PUS10: variants seen among roughly 807,000 people sequenced by gnomAD.
PUS10 encodes the protein pseudouridine synthase 10.
In PUS10, 59 loss-of-function variants were observed where a neutral mutation model predicts 75.0. That is an observed-to-expected ratio of 0.79 (90% CI 0.64 to 0.98). PUS10 has a LOEUF of 0.98. Among genes scored for constraint, PUS10 ranks in the 50% least tolerant of loss-of-function variants. The probability of loss-of-function intolerance (pLI) is 0.00; values close to 1 mark genes in which losing one functional copy is unlikely to be tolerated. For missense variants in PUS10, 650 were observed against 614.4 expected, an observed-to-expected ratio of 1.06 and a Z score of -0.61; for synonymous variants, 219 against 211.6, an observed-to-expected ratio of 1.03 and a Z score of -0.30.
chr2:60,945,629 T>G (rs1264937488), intron 16 of PUS10, among the ~76,000 whole-genome samples: 1 of 152,198 alleles, frequency 6.6e-6, no homozygotes, highest in Non-Finnish European at 1.5e-5. Context: ...TGATGGCTCT[T>G]CGGAAGGATT....
At chr2:60,944,837 T>TA (rs879189520) in intron 17 of PUS10, among the ~76,000 whole-genome samples, 172 bp downstream of exon 17, 31 of 148,262 alleles carry the variant, frequency 2.1e-4, no homozygotes, top group African/African-American at 4.7e-4. Flanking sequence ...GACCTCATAT[T>TA]AAAAAAAAAA....
At chr2:60,995,931 C>G (rs556392604) in intron 4 of PUS10, among the ~76,000 whole-genome samples, 57 of 152,338 alleles carry the variant, frequency 3.7e-4, no homozygotes, top group African/African-American at 1.3e-3. Flanking sequence ...TTCCTTGCTT[C>G]CTCCTCCATT....
At chr2:61,015,196 A>G (rs927646325) in intron 1 of PUS10, among the ~76,000 whole-genome samples, 2 of 152,194 alleles carry the variant, frequency 1.3e-5, no homozygotes, top group Non-Finnish European at 2.9e-5. Context: ...TGTGGAAAAC[A>G]GCCTCTAAAT....
intron 15 of PUS10, among the ~76,000 whole-genome samples, chr2:60,950,815 G>A (rs963603452): frequency 9.2e-5 from 14 of 152,058 alleles, no homozygotes; most frequent in Admixed American, 5.2e-4. Flanking sequence ...TTTTGTTGTT[G>A]ATTTTGCCAC....
intron 4 of PUS10, among the ~76,000 whole-genome samples, chr2:60,995,252 T>C (rs1316967526): frequency 1.3e-5 from 2 of 152,318 alleles, no homozygotes; most frequent in East Asian, 1.9e-4. Flanking sequence ...AAAGAGCACA[T>C]GCAACACACT....
Position 60,942,346 on chromosome 2 carries a change from G to A in PUS10, c.*49C>T, listed in dbSNP as rs1179549224. 2.6e-6 allele frequency: 4 copies of A among 1,512,818 alleles called. No homozygotes were observed. In the East Asian group the frequency reaches 9.0e-5, roughly 34 times the overall value. The allele number at this position is 1,512,818 out of a possible 1,614,324, so 93.7% of individuals were successfully genotyped here. ...ATTTTACGGCATGTGCTCCATGGAT[G>A]TCCACATCATGCCAGGAAAACCATA... On this transcript the variant is annotated 3_prime_UTR_variant, in exon 18 of 18. Transcript: ENST00000316752.
intron 1 of PUS10, among the ~76,000 whole-genome samples, chr2:61,013,319 G>A (rs1183952031): frequency 1.3e-5 from 2 of 151,642 alleles, no homozygotes; most frequent in African/African-American, 4.9e-5. Flanking sequence ...TCTGACTGTA[G>A]GTCATAAGAC....
At chr2:61,008,125 C>T (rs1679358898) in intron 3 of PUS10, among the ~76,000 whole-genome samples, 1 of 151,876 alleles carries the variant, frequency 6.6e-6, no homozygotes, top group Non-Finnish European at 1.5e-5. Context: ...CAGTGACTCA[C>T]ACCTCTAATC....
At chr2:60,987,560 T>A (rs1458977652) in intron 4 of PUS10, among the ~76,000 whole-genome samples, 1 of 152,156 alleles carries the variant, frequency 6.6e-6, no homozygotes, top group Non-Finnish European at 1.5e-5. Context: ...TTCAAGCAAA[T>A]TTTTGGAGAA....
chr2:60,978,596 A>G (rs1677189923), intron 4 of PUS10, among the ~76,000 whole-genome samples: 1 of 152,116 alleles, frequency 6.6e-6, no homozygotes. Flanking sequence ...AGGAGGAAGC[A>G]GGACTTAGAT....
At chr2:61,012,018 C>A in intron 1 of PUS10, 113 bp from the exon 2 acceptor site, 1 of 691,490 alleles carries the variant, frequency 1.4e-6, no homozygotes. Context: ...CTATTGTGTA[C>A]TCTCTAACCA....
intron 17 of PUS10, among the ~76,000 whole-genome samples, chr2:60,943,832 A>T (rs529876301): frequency 1.4e-4 from 21 of 151,836 alleles, no homozygotes; most frequent in Middle Eastern, 3.4e-3. Context: ...AAGCTCCACA[A>T]GTGATTCCAG....
At chr2:60,983,626 G>C (rs551308609) in intron 4 of PUS10, among the ~76,000 whole-genome samples, 1 of 151,628 alleles carries the variant, frequency 6.6e-6, no homozygotes, top group Non-Finnish European at 1.5e-5. Flanking sequence ...GCAGTGAGCC[G>C]AGATCGCATC....
chr2:60,966,325 C>G (rs7580554), intron 6 of PUS10: 117,083 of 152,058 alleles, frequency 0.77, 46,399 homozygotes, highest in African/African-American at 0.94. Flanking sequence ...GGGTCAGGGG[C>G]AGGAATAGCT....
intron 4 of PUS10, among the ~76,000 whole-genome samples, chr2:60,996,608 AACTT>A (rs1485243557): frequency 1.3e-5 from 2 of 148,486 alleles, no homozygotes; most frequent in African/African-American, 5.3e-5. Context: ...AAAAAAAAAA[AACTT>A]AAAAAGCAAC....
chr2:60,944,993 C>T lies in PUS10; in HGVS notation c.1551+16G>A. On this transcript the variant is annotated intron_variant, in intron 17 of 17. Coordinates refer to ENST00000316752, the MANE Select transcript of PUS10 (RefSeq NM_144709.4). The stretch of plus-strand genomic sequence containing the variant: ...ATTCAATTTGCCAATGTGCATTCCA[C>T]AACAAAATGGTTTACCTCAACATCC... 1.3e-6 allele frequency: 2 copies of T among 1,597,942 alleles called. No individual in the cohort carries two copies. Among genetic ancestry groups the T allele is most frequent in the African/African-American group, 1.3e-5 (1 of 74,694 alleles).
At chr2:60,942,695 A>G (rs1395918752) in intron 17 of PUS10, among the ~76,000 whole-genome samples, 1 of 152,130 alleles carries the variant, frequency 6.6e-6, no homozygotes, top group Non-Finnish European at 1.5e-5. Flanking sequence ...AAGAGAATAC[A>G]TTTAAATTTT....
chr2:60,972,290 C>G (rs1308228375), intron 4 of PUS10, among the ~76,000 whole-genome samples: 1 of 150,498 alleles, frequency 6.6e-6, no homozygotes, highest in East Asian at 2.0e-4. Context: ...GGTGAAACCC[C>G]GTCTCTACTG....
intron 4 of PUS10, among the ~76,000 whole-genome samples, chr2:60,982,454 G>T (rs1368603407): frequency 6.6e-6 from 1 of 151,970 alleles, no homozygotes. Context: ...GTAGAGGCAG[G>T]GTTTTGCAAT....
Sources: allele counts gnomAD v4.1 joint callset (sites outside exome capture counted in the v4.1 genomes callset), GRCh38; gene constraint gnomAD v4.1.1; transcripts MANE v1.5; gene names NCBI Gene and HGNC (gene_info 2026-07-23, HGNC 2026-07-21).